The following FCHO2 variants were observed in gnomAD, a reference collection of about 807,000 sequenced individuals.
FCHO2 encodes the protein F-BAR domain only protein 2.
Under a neutral mutation model 114.1 loss-of-function variants are expected in FCHO2, and 43 were observed. That is an observed-to-expected ratio of 0.38 (90% CI 0.30 to 0.49). FCHO2 has a LOEUF of 0.49. FCHO2 is among the 20% of genes least tolerant of loss of function. The pLI is 0.97. For missense variants in FCHO2, 807 were observed against 950.4 expected (o/e 0.85, Z 1.98); for synonymous variants, 293 against 315.2 (o/e 0.93, Z 0.75).
At chr5:72,992,796 T>C (rs1298407322) in intron 5 of FCHO2, among the ~76,000 whole-genome samples, 1 of 152,006 alleles carries the variant, frequency 6.6e-6, no homozygotes, top group Non-Finnish European at 1.5e-5. Context: ...TGAAATGAAA[T>C]TGGGGCCTTG....
At chr5:73,043,783 G>A (rs1756924531) in intron 11 of FCHO2, among the ~76,000 whole-genome samples, 1 of 152,144 alleles carries the variant, frequency 6.6e-6, no homozygotes, top group Admixed American at 6.5e-5. Context: ...AGAAGAATGA[G>A]TTACAAGGTA....
intron 24 of FCHO2, among the ~76,000 whole-genome samples, chr5:73,086,860 G>A (rs576980386): frequency 6.6e-6 from 1 of 152,204 alleles, no homozygotes; most frequent in South Asian, 2.1e-4. Context: ...ATGCTATTTC[G>A]TTAAATGCAT....
At chr5:73,028,156 C>T (rs1756040647) in intron 8 of FCHO2, among the ~76,000 whole-genome samples, 2 of 152,028 alleles carry the variant, frequency 1.3e-5, no homozygotes. Context: ...GAGATTGTAC[C>T]ACAGCACTCC....
intron 2 of FCHO2, among the ~76,000 whole-genome samples, chr5:72,988,108 C>T (rs1753631818): frequency 6.6e-6 from 1 of 152,012 alleles, no homozygotes; most frequent in Non-Finnish European, 1.5e-5. Context: ...TTGAGAAGAG[C>T]CAGGCAAAAG....
chr5:72,975,238 G>C (rs190162135), intron 2 of FCHO2, among the ~76,000 whole-genome samples: 1 of 152,054 alleles, frequency 6.6e-6, no homozygotes, highest in African/African-American at 2.4e-5. Context: ...CCAGTGGCTA[G>C]CACAAAGCCT....
chr5:73,012,617 CAAAA>C (rs11358269), intron 6 of FCHO2, among the ~76,000 whole-genome samples: 1 of 92,502 alleles, frequency 1.1e-5, no homozygotes, highest in Non-Finnish European at 2.3e-5. Flanking sequence ...GACTCCGTCT[CAAAA>C]AAAAAAAAAA....
chr5:72,986,609 A>G (rs945858195), intron 2 of FCHO2, among the ~76,000 whole-genome samples: 1 of 152,072 alleles, frequency 6.6e-6, no homozygotes, highest in Non-Finnish European at 1.5e-5. Context: ...TGTTTTCTAA[A>G]TTTTCCTCAG....
chr5:72,978,963 T>G (rs1753031895), intron 2 of FCHO2, among the ~76,000 whole-genome samples: 1 of 148,970 alleles, frequency 6.7e-6, no homozygotes, highest in Non-Finnish European at 1.5e-5. Context: ...TGAAGCTGAG[T>G]TGATAGTGGT....
intron 5 of FCHO2, chr5:72,997,563 T>C: frequency 7.6e-7 from 1 of 1,320,616 alleles, no homozygotes; most frequent in Non-Finnish European, 1.1e-6. Context: ...CTCAACCTGC[T>C]CCCGATGCTG....
chr5:73,013,791 A>G (rs1197688523), intron 6 of FCHO2, among the ~76,000 whole-genome samples: 3 of 152,202 alleles, frequency 2.0e-5, no homozygotes, highest in African/African-American at 4.8e-5. Context: ...GGTTCAAGCT[A>G]TTCTCTGCCT....
chr5:73,020,052 G>A (rs756220590), intron 8 of FCHO2, among the ~76,000 whole-genome samples: 19 of 152,190 alleles, frequency 1.2e-4, no homozygotes, highest in African/African-American at 2.9e-4. Flanking sequence ...TCTCAGAGAA[G>A]TGTTGGTTAC....
chr5:72,983,206 G>A (rs1213781448), intron 2 of FCHO2, among the ~76,000 whole-genome samples: 1 of 152,082 alleles, frequency 6.6e-6, no homozygotes, highest in Non-Finnish European at 1.5e-5. Context: ...GAGCCACCAT[G>A]CCCGGCCTTT....
At chr5:72,967,893 T>A (rs1752288195) in intron 1 of FCHO2, among the ~76,000 whole-genome samples, 1 of 151,576 alleles carries the variant, frequency 6.6e-6, no homozygotes, top group Admixed American at 6.6e-5. Context: ...ATGCTGGGAT[T>A]ACAGGCGTGA....
chr5:72,962,783 C>T (rs1164789521), intron 1 of FCHO2, among the ~76,000 whole-genome samples: 1 of 152,014 alleles, frequency 6.6e-6, no homozygotes, highest in Non-Finnish European at 1.5e-5. Flanking sequence ...GTCCCAGCTA[C>T]TCAGGAGGCT....
At chr5:73,034,632 A>C (rs778215836) in intron 8 of FCHO2, 25 bp from the exon 9 acceptor site, 1 of 1,570,112 alleles carries the variant, frequency 6.4e-7, no homozygotes, top group African/African-American at 1.4e-5. Context: ...TTCTACTAGA[A>C]GTTTTTCAAT....
intron 10 of FCHO2, among the ~76,000 whole-genome samples, chr5:73,040,602 T>TA (rs1756757317): frequency 6.6e-6 from 1 of 152,238 alleles, no homozygotes; most frequent in South Asian, 2.1e-4. Context: ...TTTTAAATAA[T>TA]ACTTTTCACT....
chr5:73,079,697 G>A (rs1205402843), intron 22 of FCHO2, among the ~76,000 whole-genome samples: 1 of 152,198 alleles, frequency 6.6e-6, no homozygotes, highest in African/African-American at 2.4e-5. Context: ...CCACTTATAC[G>A]AGGATTCTTT....
At chr5:73,070,892 A>T (rs1340260687) in intron 19 of FCHO2, among the ~76,000 whole-genome samples, 1 of 152,124 alleles carries the variant, frequency 6.6e-6, no homozygotes, top group African/African-American at 2.4e-5. Flanking sequence ...ATACAATAGA[A>T]GATGATAATT....
intron 5 of FCHO2, chr5:72,997,567 G>A (rs1490811515): frequency 7.6e-6 from 10 of 1,318,224 alleles, no homozygotes; most frequent in South Asian, 5.9e-5. Context: ...ACCTGCTCCC[G>A]ATGCTGGATG....
Sources: allele counts gnomAD v4.1 joint callset (sites outside exome capture counted in the v4.1 genomes callset), GRCh38; gene constraint gnomAD v4.1.1; transcripts MANE v1.5; gene names NCBI Gene and HGNC (gene_info 2026-07-23, HGNC 2026-07-21).